Variants in CYSLTR1 observed in about 807,000 individuals in gnomAD.
CYSLTR1 encodes G-protein coupled receptor HG55.
In CYSLTR1, 1 loss-of-function variant was observed where a neutral mutation model predicts 2.1. The ratio of observed to expected loss-of-function variants is 0.48; its 90% confidence interval spans 0.17 to 2.28. The LOEUF is 2.28. Among genes scored for constraint, CYSLTR1 ranks in the 30% most tolerant of loss-of-function variants. The pLI is 0.26. For synonymous variants in CYSLTR1, 110 were observed against 89.6 expected (o/e 1.23, Z -1.28); for missense variants, 299 against 250.1 (o/e 1.20, Z -1.32).
intron 2 of CYSLTR1, among the ~76,000 whole-genome samples, chrX:78,275,014 C>A (rs1279456019): frequency 2.6e-4 from 29 of 111,311 alleles, no homozygotes; most frequent in African/African-American, 9.1e-4. Context: ...AAATGCAAAT[C>A]AAAACCACAA....
chrX:78,294,895 C>T (rs1922510403), intron 1 of CYSLTR1, among the ~76,000 whole-genome samples: 3 of 112,685 alleles, frequency 2.7e-5, no homozygotes, highest in Non-Finnish European at 5.6e-5. Context: ...TCACAGCTTC[C>T]CTTGGCTAGG....
intron 2 of CYSLTR1, among the ~76,000 whole-genome samples, chrX:78,277,042 T>C (rs1215250512): frequency 9.0e-6 from 1 of 111,208 alleles, no homozygotes; most frequent in Non-Finnish European, 1.9e-5. Flanking sequence ...AGGGAGAACT[T>C]CTCAGAGAGT....
At chrX:78,315,913 T>C (rs995984038) in intron 1 of CYSLTR1, among the ~76,000 whole-genome samples, 1 of 111,933 alleles carries the variant, frequency 8.9e-6, no homozygotes, top group Non-Finnish European at 1.9e-5. Context: ...TGAGTAAACA[T>C]AGACAGTAGC....
At position 78,326,907 on chromosome X, in the gene CYSLTR1, C is replaced by T. The variant is rs374192612; in HGVS notation, c.-115+398G>A. 7.9e-4 allele frequency among the ~76,000 whole-genome samples: 89 copies of T among 111,965 alleles called. 2 individuals carry two copies. The South Asian group carries it at 0.033, about 41-fold the overall frequency. The stretch of plus-strand genomic sequence containing the variant: ...GAAAATTTTACTCTCCACTGGTTTA[C>T]CTTCAGTAATTACTACATATTTATT... On this transcript the variant is annotated intron_variant, in intron 1 of 2. Transcript: ENST00000373304.
chrX:78,288,746 AC>A (rs1922181356), intron 1 of CYSLTR1, among the ~76,000 whole-genome samples: 1 of 111,472 alleles, frequency 9.0e-6, no homozygotes, highest in Admixed American at 9.5e-5. Flanking sequence ...TTTAAAATGT[AC>A]AAATAAATTA....
intron 1 of CYSLTR1, among the ~76,000 whole-genome samples, chrX:78,305,652 C>T (rs757584369): frequency 7.1e-5 from 8 of 112,372 alleles, no homozygotes; most frequent in African/African-American, 9.7e-5. Flanking sequence ...TCCCAGCAGC[C>T]CCTGGCAAAT....
intron 1 of CYSLTR1, among the ~76,000 whole-genome samples, chrX:78,292,086 G>C (rs1922362686): frequency 9.0e-6 from 1 of 111,575 alleles, no homozygotes; most frequent in Admixed American, 9.5e-5. Flanking sequence ...GATCTTTCCT[G>C]CTTTCCTTTG....
At chrX:78,305,101 C>T (rs758242937) in intron 1 of CYSLTR1, among the ~76,000 whole-genome samples, 2 of 111,609 alleles carry the variant, frequency 1.8e-5, no homozygotes, top group East Asian at 5.6e-4. Flanking sequence ...TGCCTGAAAT[C>T]TACTCTATAG....
Position 78,273,180 on chromosome X carries a change from C to G in CYSLTR1, c.567G>C (p.Leu189Phe). Reference protein sequence around the residue: ...DNQTKNHVLVLHYVSLFVGFI... With the variant: ...DNQTKNHVLVFHYVSLFVGFI... ...AGCCAACAAACAATGACACATAATG[C>G]AAGACCAAAACATGATTTTTAGTTT... The change falls in exon 3 of 3, where the codon TTG (leucine) becomes TTC (phenylalanine). Residue 189 changes from leucine (L) to phenylalanine (F), a missense_variant. By Grantham distance (22) the Leu-to-Phe change is conservative. Transcript: ENST00000373304. 8.3e-7 allele frequency: 1 copy of G among 1,209,944 alleles called. No individual in the cohort carries two copies. The highest frequency in any genetic ancestry group is 1.1e-6 in the Non-Finnish European group (1 of 894,623).
At chrX:78,306,172 C>CT (rs1328836569) in intron 1 of CYSLTR1, among the ~76,000 whole-genome samples, 3 of 109,689 alleles carry the variant, frequency 2.7e-5, no homozygotes, top group Non-Finnish European at 5.7e-5. Context: ...GAGGGTTTTT[C>CT]TTTTTTTTTG....
chrX:78,279,032 T>A (rs985523205), intron 2 of CYSLTR1, among the ~76,000 whole-genome samples: 3 of 112,113 alleles, frequency 2.7e-5, no homozygotes, highest in African/African-American at 9.7e-5. Context: ...GGAAATACCA[T>A]TCTCGACATA....
chrX:78,296,230 G>A (rs1190848391), intron 1 of CYSLTR1, among the ~76,000 whole-genome samples: 1 of 111,366 alleles, frequency 9.0e-6, no homozygotes. Flanking sequence ...GTGTTTCTGG[G>A]TTCTCTATTC....
intron 1 of CYSLTR1, among the ~76,000 whole-genome samples, chrX:78,326,453 T>C (rs1015866263): frequency 8.9e-6 from 1 of 112,294 alleles, no homozygotes; most frequent in Non-Finnish European, 1.9e-5. Flanking sequence ...AGTTTCTCTC[T>C]AGGTTTCAAA....
intron 1 of CYSLTR1, among the ~76,000 whole-genome samples, chrX:78,311,520 A>G (rs1274045643): frequency 8.9e-6 from 1 of 112,083 alleles, no homozygotes; most frequent in Non-Finnish European, 1.9e-5. Context: ...AATAAAAGGC[A>G]TTCAAATAGG....
chrX:78,315,942 G>A (rs1284460307), intron 1 of CYSLTR1, among the ~76,000 whole-genome samples: 2 of 112,131 alleles, frequency 1.8e-5, no homozygotes, highest in Non-Finnish European at 3.8e-5. Context: ...GGTTACAGCA[G>A]GCCTGGGGTG....
In CYSLTR1 at chrX:78,271,923, AC is replaced by A. The variant is rs1488661303; in HGVS notation, c.*809del. ...CTCTTCTTCAGATAAGTTTTTAATTACTTCTATTTATATATAGGAGTGCCAG... is the reference window on the plus strand; with the variant it reads ...CTCTTCTTCAGATAAGTTTTTAATTATTCTATTTATATATAGGAGTGCCAG... On this transcript the variant is annotated 3_prime_UTR_variant, in exon 3 of 3. Transcript: ENST00000373304. 8.9e-6 allele frequency: 1 copy of A among 112,106 alleles called. No homozygotes were observed. The highest frequency in any genetic ancestry group is 1.9e-5 in the Non-Finnish European group (1 of 53,235). 9.2% of individuals were successfully genotyped at this position (112,106 alleles called of 1,213,427 possible).
chrX:78,274,385 A>C (rs774430271), intron 2 of CYSLTR1, among the ~76,000 whole-genome samples: 1 of 111,322 alleles, frequency 9.0e-6, no homozygotes, highest in Admixed American at 9.6e-5. Flanking sequence ...ACAGAGATAT[A>C]GACCAATGGA....
intron 2 of CYSLTR1, among the ~76,000 whole-genome samples, chrX:78,278,710 G>A (rs779427729): frequency 1.8e-5 from 2 of 112,156 alleles, no homozygotes; most frequent in South Asian, 3.7e-4. Flanking sequence ...TTAAACTACA[G>A]TACAAAGCTA....
intron 1 of CYSLTR1, among the ~76,000 whole-genome samples, chrX:78,321,881 C>T (rs976452795): frequency 1.3e-4 from 14 of 111,173 alleles, no homozygotes; most frequent in Non-Finnish European, 2.5e-4. Context: ...TCTGGATGTA[C>T]TTTCATGATT....
Sources: allele counts gnomAD v4.1 joint callset (sites outside exome capture counted in the v4.1 genomes callset), GRCh38; gene constraint gnomAD v4.1.1; transcripts MANE v1.5; gene names NCBI Gene and HGNC (gene_info 2026-07-23, HGNC 2026-07-21).